Variants in LANCL2 observed in about 807,000 individuals in gnomAD.
The protein encoded by LANCL2 is LanC like glutathione S-transferase 2.
LANCL2 carries 33 observed loss-of-function variants against 56.9 expected under a neutral mutation model. The observed-to-expected ratio is 0.58, with a 90% confidence interval of 0.44 to 0.78. LANCL2 has a LOEUF of 0.78. Among genes scored for constraint, LANCL2 ranks in the 30% least tolerant of loss-of-function variants. The pLI is 0.00. For missense variants in LANCL2, 562 were observed against 580.2 expected (o/e 0.97, Z 0.32); for synonymous variants, 233 against 228.2 (o/e 1.02, Z -0.19).
chr7:55,379,462 T>A (rs1790041177), intron 1 of LANCL2, among the ~76,000 whole-genome samples: 2 of 152,102 alleles, frequency 1.3e-5, no homozygotes, highest in African/African-American at 4.8e-5. Flanking sequence ...AAATCAAGTG[T>A]CTCTTCTGGG....
Position 55,391,898 on chromosome 7 carries a change from A to G in LANCL2, c.310A>G (p.Thr104Ala). The G allele has an allele frequency of 1.3e-6, 2 of 1,578,906 alleles. No homozygotes were observed. Among genetic ancestry groups the G allele is most frequent in the Non-Finnish European group, 1.7e-6 (2 of 1,148,322 alleles). Residue 104 changes from threonine to alanine, a missense_variant, in exon 2 of 9, where the codon ACT becomes GCT. Transcript: ENST00000254770. Reference protein sequence around the residue: ...TADPHDCSAYTGWTGIALLYL... With the variant: ...TADPHDCSAYAGWTGIALLYL... ...TGATCCCCATGACTGCTCTGCTTAT[A>G]CTGGCTGGACAGGTGAGGCTGTGGG... is the stretch of plus-strand genomic sequence containing the variant.
At chr7:55,411,841 A>G in intron 5 of LANCL2, 66 bp from the exon 6 acceptor site, 2 of 1,427,262 alleles carry the variant, frequency 1.4e-6, no homozygotes, top group East Asian at 2.3e-5. Context: ...TTTGTTAGCC[A>G]TGATACAATG....
chr7:55,417,451 C>T (rs1265457007), intron 6 of LANCL2, among the ~76,000 whole-genome samples: 1 of 152,182 alleles, frequency 6.6e-6, no homozygotes. Flanking sequence ...TGTTTACCTA[C>T]ATGATATTAC....
intron 5 of LANCL2, among the ~76,000 whole-genome samples, chr7:55,408,281 T>G (rs1790432869): frequency 1.3e-5 from 2 of 152,012 alleles, no homozygotes; most frequent in Non-Finnish European, 2.9e-5. Flanking sequence ...AGAGGATTAA[T>G]CCAGGAGGTT....
At chr7:55,366,484 T>C (rs947821729) in intron 1 of LANCL2, among the ~76,000 whole-genome samples, 1 of 152,220 alleles carries the variant, frequency 6.6e-6, no homozygotes, top group Non-Finnish European at 1.5e-5. Context: ...CAGTGCGCTT[T>C]CCTTCTTGGC....
intron 8 of LANCL2, among the ~76,000 whole-genome samples, chr7:55,430,526 T>C (rs774977530): frequency 1.3e-5 from 2 of 152,238 alleles, no homozygotes; most frequent in Non-Finnish European, 2.9e-5. Context: ...ATGGAAATAT[T>C]CCAGGTCTTA....
chr7:55,380,186 T>A (rs1336817442), intron 1 of LANCL2, among the ~76,000 whole-genome samples: 1 of 152,232 alleles, frequency 6.6e-6, no homozygotes, highest in Non-Finnish European at 1.5e-5. Context: ...CTAATAAATA[T>A]AATGTCAAAG....
intron 1 of LANCL2, among the ~76,000 whole-genome samples, chr7:55,376,135 C>T (rs889900192): frequency 1.3e-5 from 2 of 152,176 alleles, no homozygotes; most frequent in African/African-American, 4.8e-5. Flanking sequence ...ATAAAGGTTT[C>T]TAGTGCTTGT....
At chr7:55,428,675 G>A (rs1790695123) in intron 8 of LANCL2, among the ~76,000 whole-genome samples, 2 of 152,148 alleles carry the variant, frequency 1.3e-5, no homozygotes, top group South Asian at 4.1e-4. Context: ...TTTGTGAGGT[G>A]TCTATGCAGA....
At chr7:55,427,931 G>A (rs1232948461) in intron 7 of LANCL2, 1 of 173,788 alleles carries the variant, frequency 5.8e-6, no homozygotes, top group Non-Finnish European at 1.3e-5. Flanking sequence ...AGGGGCTGCA[G>A]TGAGAGGCGG....
chr7:55,402,848 A>G (rs1436062434), intron 5 of LANCL2, among the ~76,000 whole-genome samples: 4 of 140,252 alleles, frequency 2.9e-5, no homozygotes, highest in African/African-American at 8.1e-5. Flanking sequence ...ACGGGGCGGC[A>G]GGGCAGAGGC....
chr7:55,430,910 G>A (rs570041320), intron 8 of LANCL2, among the ~76,000 whole-genome samples: 58 of 152,340 alleles, frequency 3.8e-4, no homozygotes, highest in Non-Finnish European at 5.4e-4. Flanking sequence ...GAAGCTCCGT[G>A]TATAGGAATA....
At chr7:55,416,969 G>GT (rs869116156) in intron 6 of LANCL2, among the ~76,000 whole-genome samples, 1,222 of 81,656 alleles carry the variant, frequency 0.015, 170 homozygotes, top group African/African-American at 0.033. Context: ...AAACGAGGTG[G>GT]TTTTTTTTTT....
rs115726913 is a variant in LANCL2, at chr7:55,387,602, G to A, written c.205-4191G>A. Among the ~76,000 whole-genome samples the A allele has an allele frequency of 4.3e-3, 647 of 150,974 alleles. 8 individuals carry two copies. The highest frequency in any genetic ancestry group is 0.015 in the African/African-American group (630 of 41,226). On this transcript the variant is annotated intron_variant, in intron 1 of 8. Coordinates refer to ENST00000254770, the MANE Select transcript of LANCL2 (RefSeq NM_018697.4). ...GTAAAACTTTTTGCAGTTTTATTAA[G>A]AGCAGATTAATACCTTAAGAAAACC...
At chr7:55,422,628 G>C (rs755277418) in intron 6 of LANCL2, among the ~76,000 whole-genome samples, 1 of 151,994 alleles carries the variant, frequency 6.6e-6, no homozygotes, top group Non-Finnish European at 1.5e-5. Flanking sequence ...TCTGTAATTC[G>C]GATCAGATGA....
chr7:55,366,255 GC>G, intron 1 of LANCL2, 26 bp downstream of exon 1: 2 of 1,451,796 alleles, frequency 1.4e-6, no homozygotes, highest in Non-Finnish European at 1.8e-6. Context: ...GGCCGCAGAG[GC>G]GCCGGAGGGG....
rs1200687176 is a variant in LANCL2 at position 55,431,315 on chromosome 7, G to C, written c.1348G>C (p.Asp450His). 1 of 1,611,824 alleles carries C rather than the reference G, an allele frequency of 6.2e-7. No individual in the cohort carries two copies. Among genetic ancestry groups the C allele is most frequent in the Non-Finnish European group, 8.5e-7 (1 of 1,178,732 alleles). ...ATTTGAACTTGACTCTTCGAAGAGG[G>C]ATTAAAAGGTGCAAAAAGACAACTA... ...PAFELDSSKR[D>H] Residue 450 changes from aspartate (D) to histidine (H), a missense_variant, in exon 9 of 9, where the codon GAT becomes CAT. Asp to His is a moderately conservative substitution (Grantham distance 81). Transcript: ENST00000254770.
chr7:55,369,510 A>C (rs545748220), intron 1 of LANCL2, among the ~76,000 whole-genome samples: 34 of 152,186 alleles, frequency 2.2e-4, no homozygotes, highest in Non-Finnish European at 4.4e-4. Flanking sequence ...TATTGGGCCA[A>C]TATTATGAAA....
intron 1 of LANCL2, among the ~76,000 whole-genome samples, chr7:55,390,168 G>A (rs7804554): frequency 0.35 from 53,579 of 151,968 alleles, 9,925 homozygotes; most frequent in African/African-American, 0.43. Flanking sequence ...TCAGGAAGAC[G>A]TACTAGCCAT....
Sources: allele counts gnomAD v4.1 joint callset (sites outside exome capture counted in the v4.1 genomes callset), GRCh38; gene constraint gnomAD v4.1.1; transcripts MANE v1.5; gene names NCBI Gene and HGNC (gene_info 2026-07-23, HGNC 2026-07-21).